Variants in GRIK4 observed in about 807,000 individuals in gnomAD.
GRIK4 encodes glutamate ionotropic receptor kainate type subunit 4, also known as glutamate receptor ionotropic, kainate 4.
Under a neutral mutation model 104.9 loss-of-function variants are expected in GRIK4, and 40 were observed. The ratio of observed to expected loss-of-function variants is 0.38; its 90% confidence interval spans 0.30 to 0.50. The LOEUF is 0.50. GRIK4 is among the 20% of genes least tolerant of loss of function. GRIK4 has a pLI of 0.93. For missense variants in GRIK4, 1,047 were observed against 1,308.1 expected (o/e 0.80, Z 3.08); for synonymous variants, 485 against 524.9 (o/e 0.92, Z 1.04).
At chr11:120,790,890 A>G (rs1278475724) in intron 3 of GRIK4, among the ~76,000 whole-genome samples, 1 of 152,188 alleles carries the variant, frequency 6.6e-6, no homozygotes, top group Admixed American at 6.5e-5. Context: ...CATGAGACCA[A>G]CTGGTGCTAT....
At chr11:120,697,027 A>G (rs1950460796) in intron 3 of GRIK4, among the ~76,000 whole-genome samples, 1 of 152,122 alleles carries the variant, frequency 6.6e-6, no homozygotes, top group Admixed American at 6.5e-5. Flanking sequence ...GTTTCTTCTT[A>G]TGAATGGATC....
At chr11:120,590,106 A>G (rs1277503100) in intron 1 of GRIK4, among the ~76,000 whole-genome samples, 1 of 152,124 alleles carries the variant, frequency 6.6e-6, no homozygotes, top group Non-Finnish European at 1.5e-5. Flanking sequence ...TTCATCCATG[A>G]AGGATTCCTT....
At chr11:120,834,324 G>T (rs148210741) in intron 7 of GRIK4, among the ~76,000 whole-genome samples, 418 of 150,774 alleles carry the variant, frequency 2.8e-3, no homozygotes, top group African/African-American at 9.5e-3. Context: ...AGGAAGCTCT[G>T]CCTGTAGTGT....
chr11:120,598,887 G>C (rs981504128), intron 1 of GRIK4, among the ~76,000 whole-genome samples: 2 of 152,206 alleles, frequency 1.3e-5, no homozygotes, highest in Non-Finnish European at 1.5e-5. Flanking sequence ...ATGTCCGGTT[G>C]GCCAAAGGAA....
intron 1 of GRIK4, among the ~76,000 whole-genome samples, chr11:120,570,876 G>T (rs1197010420): frequency 1.3e-5 from 2 of 152,200 alleles, no homozygotes; most frequent in Non-Finnish European, 1.5e-5. Context: ...TTATATCTGT[G>T]TGAATATTAT....
intron 8 of GRIK4, among the ~76,000 whole-genome samples, chr11:120,847,746 G>A (rs541224654): frequency 1.3e-5 from 2 of 152,250 alleles, no homozygotes; most frequent in Non-Finnish European, 2.9e-5. Flanking sequence ...TAAGGCAGGG[G>A]AAGAGGAAAG....
chr11:120,958,156 C>T (rs1312369384), intron 16 of GRIK4, among the ~76,000 whole-genome samples: 1 of 152,218 alleles, frequency 6.6e-6, no homozygotes, highest in Non-Finnish European at 1.5e-5. Flanking sequence ...GCTTTTCCTT[C>T]TGGAGAGTGC....
chr11:120,931,418 AGT>A (rs945642759), intron 13 of GRIK4, among the ~76,000 whole-genome samples: 7 of 152,126 alleles, frequency 4.6e-5, no homozygotes, highest in Admixed American at 3.9e-4. Flanking sequence ...GAGTGCCTGG[AGT>A]GTGGTGATAT....
intron 3 of GRIK4, among the ~76,000 whole-genome samples, chr11:120,776,401 C>T (rs17124307): frequency 0.03 from 4,527 of 152,220 alleles, 175 homozygotes; most frequent in African/African-American, 0.084. Flanking sequence ...GTTGGAGTTC[C>T]CCCTCTTTTT....
At chr11:120,778,300 C>T (rs1294341040) in intron 3 of GRIK4, among the ~76,000 whole-genome samples, 4 of 152,094 alleles carry the variant, frequency 2.6e-5, no homozygotes, top group Non-Finnish European at 4.4e-5. Flanking sequence ...GAGACAGGAT[C>T]GGGACTCTAA....
In GRIK4 at chr11:120,573,382, C is replaced by T. The variant is rs900485160; in HGVS notation, c.-159+61495C>T. Among the ~76,000 whole-genome samples, 5 of 152,276 alleles carry T rather than the reference C, an allele frequency of 3.3e-5. No individual in the cohort carries two copies. In the East Asian group the frequency reaches 5.8e-4, roughly 18 times the overall value. On this transcript the variant is annotated intron_variant, in intron 1 of 20. Transcript: ENST00000527524. ...GGCCATGATGAAAAAGACCTTGGCA[C>T]GTGGCTGTTGAGGGGAAGCTGTTCC...
intron 3 of GRIK4, among the ~76,000 whole-genome samples, chr11:120,764,379 G>A (rs1011692081): frequency 6.6e-6 from 1 of 152,110 alleles, no homozygotes; most frequent in Non-Finnish European, 1.5e-5. Context: ...CACACCGATG[G>A]GTCTTGACTC....
At chr11:120,535,229 G>C (rs970614890) in intron 1 of GRIK4, among the ~76,000 whole-genome samples, 2 of 149,934 alleles carry the variant, frequency 1.3e-5, no homozygotes, top group Admixed American at 1.3e-4. Flanking sequence ...TGGCAGATGG[G>C]GGTCCTGAGG....
chr11:120,626,087 A>G (rs1949255036), intron 1 of GRIK4, among the ~76,000 whole-genome samples: 1 of 152,236 alleles, frequency 6.6e-6, no homozygotes, highest in Non-Finnish European at 1.5e-5. Context: ...TTTCAGATTC[A>G]AAGTGTCCCC....
At chr11:120,945,967 G>A (rs1943848860) in intron 14 of GRIK4, among the ~76,000 whole-genome samples, 1 of 152,222 alleles carries the variant, frequency 6.6e-6, no homozygotes, top group Non-Finnish European at 1.5e-5. Context: ...TGAAGTTCAA[G>A]ACTCTTGGTT....
At chr11:120,951,167 C>T (rs1259648452) in intron 14 of GRIK4, among the ~76,000 whole-genome samples, 2 of 152,190 alleles carry the variant, frequency 1.3e-5, no homozygotes, top group Non-Finnish European at 2.9e-5. Flanking sequence ...TCTCCGTGTA[C>T]CCTCCAAAGA....
chr11:120,900,729 G>A (rs1310290084), intron 12 of GRIK4, among the ~76,000 whole-genome samples: 1 of 152,140 alleles, frequency 6.6e-6, no homozygotes, highest in African/African-American at 2.4e-5. Flanking sequence ...GCCGGGGGAG[G>A]GGTATTCTTG....
At chr11:120,776,042 G>A (rs1591898164) in intron 3 of GRIK4, among the ~76,000 whole-genome samples, 1 of 152,320 alleles carries the variant, frequency 6.6e-6, no homozygotes, top group Non-Finnish European at 1.5e-5. Context: ...GGGTACCTAC[G>A]ACCTTCTTAA....
chr11:120,565,606 A>G (rs1011266477), intron 1 of GRIK4, among the ~76,000 whole-genome samples: 2 of 152,202 alleles, frequency 1.3e-5, no homozygotes, highest in African/African-American at 4.8e-5. Context: ...ACGAGGTACA[A>G]CAGAACACAG....
Sources: gnomAD v4.1 joint callset for allele counts (sites outside exome capture counted in the v4.1 genomes callset) on GRCh38, gnomAD v4.1.1 for gene constraint, MANE v1.5 for transcripts, NCBI Gene and HGNC (gene_info 2026-07-23, HGNC 2026-07-21) for gene names.